The following CLSTN2 variants were observed in gnomAD, a reference collection of about 807,000 sequenced individuals.
CLSTN2 encodes the protein calsyntenin-2.
CLSTN2 carries 48 observed loss-of-function variants against 101.2 expected under a neutral mutation model. The ratio of observed to expected loss-of-function variants is 0.47; its 90% CI spans 0.38 to 0.60. The LOEUF (loss-of-function observed/expected upper bound fraction) is 0.60, where lower values mean the gene tolerates loss of function less well. Ranked by LOEUF, CLSTN2 falls within the 20% of genes least tolerant of loss-of-function variation. The pLI is 0.00. For synonymous variants in CLSTN2, 481 were observed against 463.6 expected (o/e 1.04, Z -0.48); for missense variants, 1,160 against 1,238.2 (o/e 0.94, Z 0.95).
At chr3:140,243,016 C>A (rs1348196001) in intron 2 of CLSTN2, among the ~76,000 whole-genome samples, 1 of 152,214 alleles carries the variant, frequency 6.6e-6, no homozygotes, top group Non-Finnish European at 1.5e-5. Flanking sequence ...TGAAATCTTG[C>A]CAAGCTACTG....
intron 1 of CLSTN2, among the ~76,000 whole-genome samples, chr3:140,065,003 C>G (rs963467401): frequency 6.6e-6 from 1 of 152,150 alleles, no homozygotes; most frequent in African/African-American, 2.4e-5. Context: ...GTATGGCATT[C>G]TGAGAAAGTA....
At chr3:140,560,054 T>A (rs1157630470) in intron 12 of CLSTN2, among the ~76,000 whole-genome samples, 1 of 152,196 alleles carries the variant, frequency 6.6e-6, no homozygotes, top group East Asian at 1.9e-4. Flanking sequence ...ATTTGCTACA[T>A]CTGACACCAG....
chr3:140,192,698 T>C (rs1272318913), intron 2 of CLSTN2, among the ~76,000 whole-genome samples: 1 of 151,906 alleles, frequency 6.6e-6, no homozygotes, highest in Non-Finnish European at 1.5e-5. Flanking sequence ...CTGCCTCTGT[T>C]GAAGTAAATT....
chr3:140,383,962 G>T (rs1427867745), intron 2 of CLSTN2, among the ~76,000 whole-genome samples: 1 of 152,198 alleles, frequency 6.6e-6, no homozygotes, highest in Non-Finnish European at 1.5e-5. Context: ...TCAAAGCAGG[G>T]TTTGGCTCTG....
chr3:140,518,524 A>AT (rs1429934840), intron 8 of CLSTN2, among the ~76,000 whole-genome samples: 2 of 152,082 alleles, frequency 1.3e-5, no homozygotes, highest in Non-Finnish European at 2.9e-5. Context: ...GGCTCTCTAA[A>AT]TGTGTCTCAG....
At chr3:140,274,251 A>G (rs973719517) in intron 2 of CLSTN2, among the ~76,000 whole-genome samples, 1 of 152,118 alleles carries the variant, frequency 6.6e-6, no homozygotes, top group African/African-American at 2.4e-5. Flanking sequence ...ATAAGAAAGT[A>G]TGACAGAGTG....
intron 2 of CLSTN2, among the ~76,000 whole-genome samples, chr3:140,184,192 G>A (rs114747791): frequency 0.016 from 2,397 of 152,302 alleles, 62 homozygotes; most frequent in African/African-American, 0.054. Context: ...ATTCCTTAAA[G>A]TGCAGAAATG....
chr3:140,051,357 T>C (rs939061156), intron 1 of CLSTN2, among the ~76,000 whole-genome samples: 3 of 152,226 alleles, frequency 2.0e-5, no homozygotes, highest in Non-Finnish European at 2.9e-5. Context: ...TATTACAGAC[T>C]TTTATGGAGC....
intron 1 of CLSTN2, among the ~76,000 whole-genome samples, chr3:139,993,610 C>T (rs182721468): frequency 8.5e-5 from 13 of 152,296 alleles, no homozygotes; most frequent in African/African-American, 2.9e-4. Flanking sequence ...CTCCATGCCC[C>T]ACCCTGCCAA....
intron 1 of CLSTN2, among the ~76,000 whole-genome samples, chr3:139,977,659 T>A (rs930646678): frequency 2.6e-5 from 4 of 151,846 alleles, no homozygotes; most frequent in Non-Finnish European, 5.9e-5. Flanking sequence ...ATACTGACTT[T>A]TTTGTTAACC....
chr3:140,388,966 A>G (rs1186775354), intron 2 of CLSTN2, among the ~76,000 whole-genome samples: 1 of 152,166 alleles, frequency 6.6e-6, no homozygotes, highest in Admixed American at 6.5e-5. Context: ...TGAAATGACC[A>G]TATAGTTTTT....
At chr3:140,354,574 A>G (rs139166223) in intron 2 of CLSTN2, among the ~76,000 whole-genome samples, 178 of 152,232 alleles carry the variant, frequency 1.2e-3, no homozygotes, top group African/African-American at 4.2e-3. Flanking sequence ...ACTCCCCTCC[A>G]TAGGCATCTC....
intron 2 of CLSTN2, among the ~76,000 whole-genome samples, chr3:140,392,842 G>T (rs945127036): frequency 6.6e-6 from 1 of 151,776 alleles, no homozygotes; most frequent in Non-Finnish European, 1.5e-5. Context: ...TAAAAAAAAA[G>T]AACTTATTTT....
At chr3:140,390,745 G>T (rs983816317) in intron 2 of CLSTN2, among the ~76,000 whole-genome samples, 1 of 152,268 alleles carries the variant, frequency 6.6e-6, no homozygotes, top group Non-Finnish European at 1.5e-5. Context: ...ATACCAATGA[G>T]AACTTATTTA....
intron 1 of CLSTN2, among the ~76,000 whole-genome samples, chr3:140,156,795 C>A (rs2009961378): frequency 6.6e-6 from 1 of 152,198 alleles, no homozygotes; most frequent in South Asian, 2.1e-4. Context: ...CTCCCCTCCA[C>A]TGGGGTTATG....
intron 2 of CLSTN2, among the ~76,000 whole-genome samples, chr3:140,264,833 C>A (rs1361777031): frequency 1.3e-5 from 2 of 151,986 alleles, no homozygotes; most frequent in Non-Finnish European, 2.9e-5. Context: ...GAGAATTAGG[C>A]CAGTGGGGTA....
At chr3:140,126,382 ATCCAGAAGTATACT>A (rs368365436) in intron 1 of CLSTN2, among the ~76,000 whole-genome samples, 1 of 152,054 alleles carries the variant, frequency 6.6e-6, no homozygotes, top group African/African-American at 2.4e-5. Context: ...GGCAGTGGGG[ATCCAGAAGTATACT>A]TCCACACCTC....
At chr3:140,163,576 C>G (rs116888083) in intron 1 of CLSTN2, among the ~76,000 whole-genome samples, 1 of 151,768 alleles carries the variant, frequency 6.6e-6, no homozygotes, top group African/African-American at 2.4e-5. Context: ...CTCTTTGTAC[C>G]CTACCAAGCA....
intron 2 of CLSTN2, among the ~76,000 whole-genome samples, chr3:140,286,754 G>A (rs2086899214): frequency 6.6e-6 from 1 of 152,200 alleles, no homozygotes; most frequent in Admixed American, 6.5e-5. Flanking sequence ...GCTGTGTTGT[G>A]AGACAAATAT....
Sources: gnomAD v4.1 joint callset for allele counts (sites outside exome capture counted in the v4.1 genomes callset) on GRCh38, gnomAD v4.1.1 for gene constraint, MANE v1.5 for transcripts, NCBI Gene and HGNC (gene_info 2026-07-23, HGNC 2026-07-21) for gene names.